SFMBT1: variants seen among roughly 807,000 people sequenced by gnomAD.
The protein encoded by SFMBT1 is scm-like with four MBT domains protein 1.
SFMBT1 carries 32 observed loss-of-function variants against 108.7 expected under a neutral mutation model. That is an observed-to-expected ratio of 0.29 (90% CI 0.22 to 0.40). SFMBT1 has a LOEUF of 0.40. Ranked by LOEUF, SFMBT1 falls within the 10% of genes least tolerant of loss-of-function variation. The pLI is 1.00. For missense variants in SFMBT1, 816 were observed against 1,059.6 expected, an observed-to-expected ratio of 0.77 and a Z score of 3.19; for synonymous variants, 348 against 369.5, an observed-to-expected ratio of 0.94 and a Z score of 0.67.
chr3:52,998,744 G>A (rs968270588), intron 1 of SFMBT1, among the ~76,000 whole-genome samples: 1 of 150,680 alleles, frequency 6.6e-6, no homozygotes, highest in Non-Finnish European at 1.5e-5. Context: ...GGGTCCTGTG[G>A]GCGTATCAAC....
At position 53,000,064 on chromosome 3, in the gene SFMBT1, G is replaced by T. The variant is rs558815328; in HGVS notation, c.-130-30806C>A. On this transcript the variant is annotated intron_variant, in intron 1 of 20. Transcript: ENST00000394752. ...TTTTTAGTAGAGACAGGGTTTCACC[G>T]TGTTAGCCAGGATGGTCTTGATTTC... Among the ~76,000 whole-genome samples, 3 of 149,824 alleles carry T rather than the reference G, an allele frequency of 2.0e-5. 1 individual carries two copies. The highest frequency in any genetic ancestry group is 4.2e-4 in the South Asian group (2 of 4,728).
At position 52,921,785 on chromosome 3, in the gene SFMBT1, A is replaced by G; in HGVS notation, c.1178T>C (p.Val393Ala). 6.2e-7 allele frequency: 1 copy of G among 1,614,124 alleles called. No homozygotes were observed. The highest frequency in any genetic ancestry group is 8.5e-7 in the Non-Finnish European group (1 of 1,180,018). Residue 393 changes from valine (V) to alanine (A), a missense_variant, in exon 11 of 21, where the codon GTG becomes GCG. Val to Ala is a moderately conservative substitution (Grantham distance 64). Around this residue, in one of 5 missense-constraint regions of SFMBT1, gnomAD observed 495 missense variants for 607.4 expected, o/e 0.81. Transcript: ENST00000394752. ...EFKENMKLEA[V>A]NPILPEEVCV... ...CACTTCTTCAGGGAGAATGGGGTTCACCGCCTCGAGCTTCATGTTCTCCTT... is the reference window on the plus strand; with the variant it reads ...CACTTCTTCAGGGAGAATGGGGTTCGCCGCCTCGAGCTTCATGTTCTCCTT...
chr3:53,025,660 C>T (rs902868229), intron 1 of SFMBT1, among the ~76,000 whole-genome samples: 1 of 152,042 alleles, frequency 6.6e-6, no homozygotes, highest in Non-Finnish European at 1.5e-5. Context: ...GGAAATATTT[C>T]TAGAATATAT....
At chr3:53,035,197 C>T (rs922528206) in intron 1 of SFMBT1, among the ~76,000 whole-genome samples, 4 of 149,910 alleles carry the variant, frequency 2.7e-5, no homozygotes, top group African/African-American at 4.9e-5. Flanking sequence ...GGACTTTACC[C>T]GGCCAAATGT....
At chr3:52,991,531 G>A (rs963201842) in intron 1 of SFMBT1, among the ~76,000 whole-genome samples, 1 of 151,942 alleles carries the variant, frequency 6.6e-6, no homozygotes, top group African/African-American at 2.4e-5. Context: ...CTTTAGTAGA[G>A]ACGGGTTTCA....
At chr3:52,993,478 G>A (rs1478735398) in intron 1 of SFMBT1, among the ~76,000 whole-genome samples, 1 of 150,126 alleles carries the variant, frequency 6.7e-6, no homozygotes, top group East Asian at 1.9e-4. Flanking sequence ...TGTGCTAGCA[G>A]TAAATTTCTA....
intron 3 of SFMBT1, among the ~76,000 whole-genome samples, chr3:52,951,003 A>G (rs1477411339): frequency 1.3e-5 from 2 of 150,654 alleles, no homozygotes; most frequent in African/African-American, 4.9e-5. Flanking sequence ...GGGTGTCTGT[A>G]GTCTCAGCTA....
At chr3:52,948,825 A>ATTTTTTTTTTTTTTCTTTTTTTTTTT in intron 3 of SFMBT1, among the ~76,000 whole-genome samples, 1 of 78,284 alleles carries the variant, frequency 1.3e-5, no homozygotes, top group Non-Finnish European at 2.4e-5. Flanking sequence ...CTAATTTTTA[A>ATTTTTTTTTTTTTTCTTTTTTTTTTT]TTTTTTTTTT....
intron 2 of SFMBT1, among the ~76,000 whole-genome samples, chr3:52,961,843 G>A (rs1164439724): frequency 1.3e-5 from 2 of 152,042 alleles, no homozygotes; most frequent in South Asian, 2.1e-4. Context: ...CCTTAGCAAG[G>A]ACTCTAGGTC....
At position 52,957,489 on chromosome 3, in the gene SFMBT1, A is replaced by G. The variant is rs1240032421; in HGVS notation, c.29-3078T>C. Among the ~76,000 whole-genome samples the G allele has an allele frequency of 2.6e-5, 4 of 152,200 alleles. No homozygotes were observed. The East Asian group carries it at 7.7e-4, about 29-fold the overall frequency. On this transcript the variant is annotated intron_variant, in intron 2 of 20. Coordinates refer to ENST00000394752, the MANE Select transcript of SFMBT1 (RefSeq NM_016329.4). Reference sequence around the variant, plus strand: ...GAAACAAATTTCACAGGAAACCAAAAAAGAGCCTGTATAGCCAAGACAATC... The same window carrying G: ...GAAACAAATTTCACAGGAAACCAAAGAAGAGCCTGTATAGCCAAGACAATC...
intron 3 of SFMBT1, among the ~76,000 whole-genome samples, chr3:52,946,730 C>A (rs914876244): frequency 6.6e-6 from 1 of 151,558 alleles, no homozygotes; most frequent in Non-Finnish European, 1.5e-5. Context: ...GAAGTTGTAC[C>A]AATTTAGTTT....
intron 2 of SFMBT1, among the ~76,000 whole-genome samples, chr3:52,956,772 A>T (rs990163904): frequency 6.6e-6 from 1 of 152,132 alleles, no homozygotes. Flanking sequence ...AAAAATCAAT[A>T]AATAAAATAA....
chr3:52,920,495 T>C (rs1575373873), intron 12 of SFMBT1, 42 bp downstream of exon 12: 2 of 1,431,754 alleles, frequency 1.4e-6, no homozygotes, highest in Non-Finnish European at 2.0e-6. Context: ...ACACAGAAGA[T>C]TATTTAACAA....
chr3:52,924,209 TGA>T (rs1262491386), intron 10 of SFMBT1, among the ~76,000 whole-genome samples: 1 of 152,128 alleles, frequency 6.6e-6, no homozygotes, highest in Admixed American at 6.5e-5. Context: ...AGGAAGGTAC[TGA>T]GAGATGGGGA....
chr3:52,963,491 C>T lies in SFMBT1; in HGVS notation c.28+5610G>A, dbSNP rs567137867. ...TGAGACAGGGTCTTGCTCTGTCACCCAGGCTGGAGTGCTGTGGTGCAATAA... is the reference window on the plus strand; with the variant it reads ...TGAGACAGGGTCTTGCTCTGTCACCTAGGCTGGAGTGCTGTGGTGCAATAA... On this transcript the variant is annotated intron_variant, in intron 2 of 20. Coordinates refer to ENST00000394752, the MANE Select transcript of SFMBT1 (RefSeq NM_016329.4). Among the ~76,000 whole-genome samples the T allele has an allele frequency of 5.3e-5, 8 of 152,260 alleles. No homozygotes were observed. The East Asian group carries it at 1.5e-3, about 29-fold the overall frequency.
chr3:53,026,581 CAG>C (rs150414664), intron 1 of SFMBT1, among the ~76,000 whole-genome samples: 4,644 of 152,166 alleles, frequency 0.031, 267 homozygotes, highest in African/African-American at 0.11. Context: ...CACAAGTTAA[CAG>C]AGTTTACCCT....
intron 8 of SFMBT1, 54 bp from the exon 9 acceptor site, chr3:52,928,395 TTCTCC>T: frequency 6.4e-7 from 1 of 1,574,454 alleles, no homozygotes; most frequent in Non-Finnish European, 8.6e-7. Flanking sequence ...TATATGTGCT[TTCTCC>T]TTGGCACAGC....
chr3:52,925,961 G>A, intron 10 of SFMBT1, 70 bp downstream of exon 10: 3 of 1,370,960 alleles, frequency 2.2e-6, no homozygotes, highest in Admixed American at 4.7e-5. Context: ...GCAATAACAT[G>A]GAAAGCAAGG....
chr3:52,954,349 A>C lies in SFMBT1; in HGVS notation c.91T>G (p.Ser31Ala), dbSNP rs781016738. ...AAAGACCCATAGGGAACTGCTGTGG[A>C]CCCTGTTTCTTCTAGATAATCTTCC... Reference protein sequence around the residue: ...SWEDYLEETGSTAVPYGSFKH... With the variant: ...SWEDYLEETGATAVPYGSFKH... Residue 31 changes from serine (S) to alanine (A), a missense_variant, in exon 3 of 21, where the codon TCC (serine) becomes GCC (alanine). Transcript: ENST00000394752. The C allele has an allele frequency of 1.9e-6, 3 of 1,613,898 alleles. No homozygotes were observed. The highest frequency in any genetic ancestry group is 2.5e-6 in the Non-Finnish European group (3 of 1,179,904).
Sources: gnomAD v4.1 joint callset for allele counts (sites outside exome capture counted in the v4.1 genomes callset) on GRCh38, gnomAD v4.1.1 for gene constraint, gnomAD v4.1.1 regional missense constraint, MANE v1.5 for transcripts, NCBI Gene and HGNC (gene_info 2026-07-23, HGNC 2026-07-21) for gene names.